The following OPCML variants were observed in gnomAD, a reference collection of about 807,000 sequenced individuals.
The protein encoded by OPCML is opioid binding protein/cell adhesion molecule like.
In OPCML, 13 loss-of-function variants were observed where a neutral mutation model predicts 37.8. The ratio of observed to expected loss-of-function variants is 0.34; its 90% CI spans 0.22 to 0.55. OPCML has a LOEUF of 0.55. Among genes scored for constraint, OPCML ranks in the 20% least tolerant of loss-of-function variants. The probability of loss-of-function intolerance (pLI) is 0.91; values close to 1 mark genes in which losing one functional copy is unlikely to be tolerated. For missense variants in OPCML, 341 were observed against 435.6 expected, an observed-to-expected ratio of 0.78 and a Z score of 1.93; for synonymous variants, 176 against 168.8, an observed-to-expected ratio of 1.04 and a Z score of -0.33.
chr11:132,749,166 G>T (rs544524792), intron 2 of OPCML, among the ~76,000 whole-genome samples: 1 of 152,236 alleles, frequency 6.6e-6, no homozygotes, highest in South Asian at 2.1e-4. Flanking sequence ...CGAGAAGATA[G>T]CTGTCAGTGC....
chr11:133,210,755 A>T (rs568790785), intron 1 of OPCML, among the ~76,000 whole-genome samples: 1 of 152,256 alleles, frequency 6.6e-6, no homozygotes, highest in South Asian at 2.1e-4. Context: ...CTGGACCCTA[A>T]CTCAGAAAGA....
At chr11:132,868,296 A>ATTT (rs67534174) in intron 2 of OPCML, among the ~76,000 whole-genome samples, 972 of 77,480 alleles carry the variant, frequency 0.013, 41 homozygotes, top group Middle Eastern at 0.027. Context: ...TGAGGCTGTG[A>ATTT]TTTTTTTTTT....
intron 1 of OPCML, among the ~76,000 whole-genome samples, chr11:132,947,629 C>T (rs1013691303): frequency 1.8e-4 from 27 of 152,050 alleles, no homozygotes; most frequent in African/African-American, 6.3e-4. Context: ...AAGGCTGAGA[C>T]CAAATTGAAA....
chr11:132,599,366 GA>G (rs1937675786), intron 3 of OPCML, among the ~76,000 whole-genome samples: 1 of 128,494 alleles, frequency 7.8e-6, no homozygotes, highest in Non-Finnish European at 1.7e-5. Flanking sequence ...GGAGAAGGAG[GA>G]GGAGGAAGAA....
chr11:132,910,906 A>G (rs1169003297), intron 2 of OPCML, among the ~76,000 whole-genome samples: 2 of 152,206 alleles, frequency 1.3e-5, no homozygotes, highest in African/African-American at 4.8e-5. Context: ...AAAGTGAACA[A>G]AGACCCCAGG....
At chr11:133,425,285 G>C (rs117998094) in intron 1 of OPCML, among the ~76,000 whole-genome samples, 1 of 152,132 alleles carries the variant, frequency 6.6e-6, no homozygotes, top group African/African-American at 2.4e-5. Flanking sequence ...CCTTTTCAAA[G>C]ACAGTGCTAA....
intron 2 of OPCML, among the ~76,000 whole-genome samples, chr11:132,692,378 G>C (rs1249000198): frequency 6.6e-6 from 1 of 152,134 alleles, no homozygotes; most frequent in Non-Finnish European, 1.5e-5. Context: ...GCATCTATAG[G>C]ATCAGGCATC....
At chr11:132,954,350 G>T (rs1008368785) in intron 1 of OPCML, among the ~76,000 whole-genome samples, 2 of 140,634 alleles carry the variant, frequency 1.4e-5, no homozygotes, top group African/African-American at 5.2e-5. Context: ...TCAAAATGAG[G>T]CCATTAAAAT....
chr11:132,564,869 A>G (rs757815806), intron 3 of OPCML, among the ~76,000 whole-genome samples: 78 of 152,348 alleles, frequency 5.1e-4, no homozygotes, highest in South Asian at 1.9e-3. Flanking sequence ...AATCAGAGAC[A>G]AAAGACAGAC....
chr11:132,934,962 A>T (rs573517846), intron 2 of OPCML, among the ~76,000 whole-genome samples: 1 of 152,216 alleles, frequency 6.6e-6, no homozygotes, highest in Non-Finnish European at 1.5e-5. Flanking sequence ...CAACATAGAG[A>T]AACCCCTTCT....
chr11:133,253,821 TTCCC>T (rs1941225495), intron 1 of OPCML, among the ~76,000 whole-genome samples: 1 of 71,376 alleles, frequency 1.4e-5, no homozygotes, highest in African/African-American at 5.3e-5. Flanking sequence ...CCTCCTTCCC[TTCCC>T]TTCCATTCCC....
chr11:132,529,064 T>C lies in OPCML; in HGVS notation c.502A>G (p.Lys168Glu). 6.2e-7 allele frequency: 1 copy of C among 1,608,912 alleles called. No individual in the cohort carries two copies. The highest frequency in any genetic ancestry group is 8.5e-7 in the Non-Finnish European group (1 of 1,175,754). The change falls in exon 4 of 8, where the codon AAG becomes GAG. Residue 168 changes from lysine (K) to glutamate (E), a missense_variant. By Grantham distance (56) the Lys-to-Glu change is moderately conservative. Transcript: ENST00000524381. ...PTVTWRHLSV[K>E]EGQGFVSEDE... is the part of the protein sequence containing the mutation. ...GTCCTCCAGGTCAGCACCTTACCCTTGACTGACAGGTGTCTCCATGTCACA... is the reference window on the plus strand; with the variant it reads ...GTCCTCCAGGTCAGCACCTTACCCTCGACTGACAGGTGTCTCCATGTCACA...
At chr11:133,098,306 C>A (rs1949034546) in intron 1 of OPCML, among the ~76,000 whole-genome samples, 1 of 150,924 alleles carries the variant, frequency 6.6e-6, no homozygotes, top group Non-Finnish European at 1.5e-5. Flanking sequence ...AGCTCTGCCT[C>A]CCGCGTTCAT....
intron 1 of OPCML, among the ~76,000 whole-genome samples, chr11:133,455,836 A>G (rs1298664016): frequency 6.6e-6 from 1 of 152,184 alleles, no homozygotes; most frequent in Non-Finnish European, 1.5e-5. Flanking sequence ...CACTGAAAAA[A>G]AGCCACAGTC....
At chr11:132,729,844 A>AT (rs1035007397) in intron 2 of OPCML, among the ~76,000 whole-genome samples, 3 of 152,100 alleles carry the variant, frequency 2.0e-5, no homozygotes, top group Non-Finnish European at 4.4e-5. Context: ...CATGAAGGGG[A>AT]TGAGCAGGAT....
chr11:132,763,796 A>G (rs1468119312), intron 2 of OPCML, among the ~76,000 whole-genome samples: 2 of 152,206 alleles, frequency 1.3e-5, no homozygotes, highest in Non-Finnish European at 2.9e-5. Flanking sequence ...CACTCCTCGG[A>G]AGGTGGCCAC....
chr11:133,354,298 G>GTGATAA (rs200651560), intron 1 of OPCML, among the ~76,000 whole-genome samples: 4 of 24,212 alleles, frequency 1.7e-4, no homozygotes, highest in East Asian at 1.6e-3. Context: ...GGTGCTGGTG[G>GTGATAA]TGGTGACGTG....
intron 1 of OPCML, among the ~76,000 whole-genome samples, chr11:133,104,198 C>T (rs1052353208): frequency 6.6e-6 from 1 of 152,200 alleles, no homozygotes; most frequent in Non-Finnish European, 1.5e-5. Flanking sequence ...TAATGCTATT[C>T]AGGGAGAAAG....
At chr11:132,465,141 C>T (rs1939955) in intron 4 of OPCML, among the ~76,000 whole-genome samples, 5,396 of 152,228 alleles carry the variant, frequency 0.035, 280 homozygotes, top group African/African-American at 0.12. Context: ...CCCCTTGTGA[C>T]AGGCATTTAG....
Sources: allele counts gnomAD v4.1 joint callset (sites outside exome capture counted in the v4.1 genomes callset), GRCh38; gene constraint gnomAD v4.1.1; transcripts MANE v1.5; gene names NCBI Gene and HGNC (gene_info 2026-07-23, HGNC 2026-07-21).